PIGN: variants seen among roughly 807,000 people sequenced by gnomAD.
The protein encoded by PIGN is GPI ethanolamine phosphate transferase 1.
A neutral mutation model predicts 125.4 loss-of-function variants in PIGN; 117 were observed. That is an observed-to-expected ratio of 0.93 (90% CI 0.80 to 1.09). The LOEUF is 1.09. PIGN is among the 50% of genes least tolerant of loss of function. PIGN has a pLI of 0.00. For missense variants in PIGN, 1,075 were observed against 1,094.9 expected (o/e 0.98, Z 0.26); for synonymous variants, 392 against 377.8 (o/e 1.04, Z -0.44).
chr18:62,034,081 TTAGGTTGAA>T (rs2030228471), intron 23 of PIGN, among the ~76,000 whole-genome samples: 1 of 152,190 alleles, frequency 6.6e-6, no homozygotes, highest in Non-Finnish European at 1.5e-5. Flanking sequence ...AGGGCAAGAA[TTAGGTTGAA>T]TATGCCTTTG....
intron 1 of PIGN, among the ~76,000 whole-genome samples, chr18:62,181,779 T>G (rs1045408645): frequency 6.6e-6 from 1 of 152,100 alleles, no homozygotes. Context: ...CAGGCTGGAG[T>G]GCAGTGGCGC....
At chr18:62,085,174 A>G (rs1365737326) in intron 26 of PIGN, 35 bp downstream of exon 26, 2 of 1,155,742 alleles carry the variant, frequency 1.7e-6, no homozygotes, top group Non-Finnish European at 2.5e-6. Context: ...ATTATTTTTT[A>G]GTTATATATA....
In PIGN at chr18:62,062,882, C is replaced by CTTTT. The variant is rs71160811; in HGVS notation, c.2672+9787_2672+9790dup. On this transcript the variant is annotated intron_variant, in intron 30 of 30. Coordinates refer to ENST00000640252, the MANE Select transcript of PIGN (RefSeq NM_176787.5). ...ATTTGTTTTATGCTTTTGTATTCTG[C>CTTTT]TTTTTTTTTTTTTTTTTTTTTTTTT... Among the ~76,000 whole-genome samples the CTTTT allele has an allele frequency of 5.2e-4, 11 of 21,062 alleles. 1 individual carries two copies. The highest frequency in any genetic ancestry group is 2.2e-3 in the African/African-American group (9 of 4,108). The allele number at this position is 21,062 out of a possible 152,430, so 13.8% of individuals were successfully genotyped here. A position where few individuals can be genotyped will look rare whatever the true frequency, so the allele number is the denominator to read the frequency against.
chr18:62,150,085 G>A (rs1568231975), intron 7 of PIGN, among the ~76,000 whole-genome samples: 2 of 152,198 alleles, frequency 1.3e-5, no homozygotes, highest in Admixed American at 6.5e-5. Flanking sequence ...GGGTTCAAGC[G>A]ATTCTCTTGC....
chr18:62,080,488 C>T, intron 28 of PIGN, among the ~76,000 whole-genome samples: 1 of 152,198 alleles, frequency 6.6e-6, no homozygotes, highest in East Asian at 1.9e-4. Flanking sequence ...AGACAGAGTT[C>T]TGGCCATAGA....
intron 30 of PIGN, among the ~76,000 whole-genome samples, chr18:62,059,359 G>A (rs1347808935): frequency 6.6e-6 from 1 of 151,822 alleles, no homozygotes; most frequent in Non-Finnish European, 1.5e-5. Flanking sequence ...AAGGAGGTGG[G>A]GAGCTAGGTA....
chr18:62,059,183 A>C (rs1273463360), intron 30 of PIGN: 5 of 150,614 alleles, frequency 3.3e-5, no homozygotes, highest in Non-Finnish European at 1.5e-5. Flanking sequence ...AAAAAAAAAA[A>C]AAAAAAAAAA....
At chr18:62,181,745 C>T (rs1225190335) in intron 1 of PIGN, among the ~76,000 whole-genome samples, 1 of 152,054 alleles carries the variant, frequency 6.6e-6, no homozygotes, top group Non-Finnish European at 1.5e-5. Context: ...TCTTTTTAGA[C>T]AGAGTCTCGC....
intron 23 of PIGN, among the ~76,000 whole-genome samples, chr18:62,095,248 G>T (rs2034131527): frequency 6.6e-6 from 1 of 152,114 alleles, no homozygotes; most frequent in Non-Finnish European, 1.5e-5. Context: ...AGCAAGAAAA[G>T]AATTCTTCAA....
At chr18:62,086,670 G>A (rs2033723094) in intron 25 of PIGN, among the ~76,000 whole-genome samples, 3 of 150,754 alleles carry the variant, frequency 2.0e-5, no homozygotes, top group Middle Eastern at 3.4e-3. Flanking sequence ...ACAGTGAAGA[G>A]TAGCAAATCT....
chr18:62,064,391 G>C (rs916324980), intron 30 of PIGN, among the ~76,000 whole-genome samples: 1 of 152,202 alleles, frequency 6.6e-6, no homozygotes, highest in South Asian at 2.1e-4. Flanking sequence ...TCCAGAGATG[G>C]AGCATCACCA....
chr18:62,155,158 T>C (rs2036678986), intron 6 of PIGN, among the ~76,000 whole-genome samples: 1 of 152,214 alleles, frequency 6.6e-6, no homozygotes, highest in African/African-American at 2.4e-5. Context: ...TATTGCTTAT[T>C]GCCAAAGAGT....
intron 23 of PIGN, among the ~76,000 whole-genome samples, chr18:62,028,122 C>CTTCCAGCTCT (rs2030148005): frequency 6.6e-6 from 1 of 152,212 alleles, no homozygotes; most frequent in South Asian, 2.1e-4. Flanking sequence ...GGCAAATCCA[C>CTTCCAGCTCT]TTCCAGCTCT....
chr18:62,140,731 C>T (rs747500728), intron 11 of PIGN, among the ~76,000 whole-genome samples: 3 of 152,072 alleles, frequency 2.0e-5, no homozygotes, highest in Non-Finnish European at 4.4e-5. Flanking sequence ...CAAAAAATTA[C>T]TTATCCTATT....
intron 30 of PIGN, among the ~76,000 whole-genome samples, chr18:62,071,125 A>G (rs936193879): frequency 2.0e-5 from 3 of 152,222 alleles, no homozygotes. Context: ...TACACTTTAA[A>G]TAGTTATCAC....
intron 6 of PIGN, 70 bp from the exon 7 acceptor site, chr18:62,154,721 T>A: frequency 1.3e-6 from 1 of 752,714 alleles, no homozygotes; most frequent in Non-Finnish European, 2.3e-6. Flanking sequence ...TATGAGCTAG[T>A]CATTCACAGA....
intron 23 of PIGN, among the ~76,000 whole-genome samples, chr18:62,028,683 C>T (rs901736951): frequency 1.3e-5 from 2 of 152,136 alleles, no homozygotes; most frequent in Admixed American, 6.5e-5. Context: ...AGATCCAAGT[C>T]GCAGGAGTTT....
At chr18:62,146,910 T>TA in intron 9 of PIGN, 61 bp downstream of exon 9, 1 of 1,529,442 alleles carries the variant, frequency 6.5e-7, no homozygotes, top group Admixed American at 1.7e-5. Flanking sequence ...ATAAAATATT[T>TA]ACCAGCTACA....
intron 1 of PIGN, among the ~76,000 whole-genome samples, chr18:62,174,647 T>C (rs2037457177): frequency 6.6e-6 from 1 of 152,188 alleles, no homozygotes; most frequent in Non-Finnish European, 1.5e-5. Flanking sequence ...ACCATTGCAT[T>C]ATCCAATAGA....
Sources: allele counts gnomAD v4.1 joint callset (sites outside exome capture counted in the v4.1 genomes callset), GRCh38; gene constraint gnomAD v4.1.1; transcripts MANE v1.5; gene names NCBI Gene and HGNC (gene_info 2026-07-23, HGNC 2026-07-21).